FHIT: variants seen among roughly 807,000 people sequenced by gnomAD.
The protein encoded by FHIT is bis(5'-adenosyl)-triphosphatase.
A neutral mutation model predicts 17.9 loss-of-function variants in FHIT; 19 were observed. The ratio of observed to expected loss-of-function variants is 1.06; its 90% CI spans 0.74 to 1.56. FHIT has a LOEUF of 1.56. Among genes scored for constraint, FHIT ranks in the 40% most tolerant of loss-of-function variants. FHIT has a pLI of 0.00. For synonymous variants in FHIT, 81 were observed against 69.7 expected, an observed-to-expected ratio of 1.16 and a Z score of -0.81; for missense variants, 248 against 189.2, an observed-to-expected ratio of 1.31 and a Z score of -1.82.
intron 5 of FHIT, among the ~76,000 whole-genome samples, chr3:60,489,048 C>A (rs1486539826): frequency 6.6e-6 from 1 of 152,036 alleles, no homozygotes; most frequent in African/African-American, 2.4e-5. Context: ...TTGGGATTTC[C>A]AAGAGAGACC....
intron 5 of FHIT, among the ~76,000 whole-genome samples, chr3:60,329,799 T>C (rs1047716700): frequency 1.3e-5 from 2 of 152,178 alleles, no homozygotes; most frequent in African/African-American, 4.8e-5. Context: ...CTCCAGACAG[T>C]TTAAGAAACT....
At chr3:61,200,439 C>T (rs1472456337) in intron 2 of FHIT, among the ~76,000 whole-genome samples, 178 bp downstream of exon 2, 1 of 152,218 alleles carries the variant, frequency 6.6e-6, no homozygotes, top group African/African-American at 2.4e-5. Context: ...ATTTTATTTC[C>T]TCCTGCTCTC....
chr3:60,512,595 T>G (rs929629636), intron 5 of FHIT, among the ~76,000 whole-genome samples: 1 of 152,138 alleles, frequency 6.6e-6, no homozygotes, highest in African/African-American at 2.4e-5. Flanking sequence ...TCTTTTACAG[T>G]GGGGTAATCT....
At chr3:60,979,210 T>A (rs1380599665) in intron 3 of FHIT, among the ~76,000 whole-genome samples, 2 of 152,140 alleles carry the variant, frequency 1.3e-5, no homozygotes, top group East Asian at 3.9e-4. Flanking sequence ...GTCTCTCTCC[T>A]CCAATCTGAA....
intron 5 of FHIT, among the ~76,000 whole-genome samples, chr3:60,322,550 T>C (rs1038141805): frequency 2.0e-5 from 3 of 152,170 alleles, no homozygotes; most frequent in Admixed American, 6.5e-5. Context: ...ACCCAGTTGG[T>C]AAATAAGGGC....
chr3:60,048,032 T>C (rs1215075049), intron 5 of FHIT, among the ~76,000 whole-genome samples: 1 of 152,190 alleles, frequency 6.6e-6, no homozygotes, highest in East Asian at 1.9e-4. Flanking sequence ...CTGAGGCCTC[T>C]CTCTCCCCTT....
intron 5 of FHIT, among the ~76,000 whole-genome samples, chr3:60,063,968 TATATA>T (rs2106937819): frequency 6.6e-6 from 1 of 152,336 alleles, no homozygotes; most frequent in South Asian, 2.1e-4. Context: ...GTGAAGAATG[TATATA>T]ATATGCCATT....
At chr3:61,185,679 T>C (rs951547048) in intron 2 of FHIT, among the ~76,000 whole-genome samples, 1 of 152,160 alleles carries the variant, frequency 6.6e-6, no homozygotes, top group Non-Finnish European at 1.5e-5. Flanking sequence ...GTTCACAATA[T>C]AATGTTGAAT....
chr3:60,511,815 G>T (rs1576788601), intron 5 of FHIT, among the ~76,000 whole-genome samples: 1 of 152,132 alleles, frequency 6.6e-6, no homozygotes, highest in African/African-American at 2.4e-5. Context: ...ACAGCTTATA[G>T]ATAAATAGGG....
At chr3:60,927,405 C>T (rs1194632973) in intron 3 of FHIT, among the ~76,000 whole-genome samples, 1 of 152,188 alleles carries the variant, frequency 6.6e-6, no homozygotes, top group African/African-American at 2.4e-5. Flanking sequence ...CCCGCCGCCA[C>T]CCTGTCTAGG....
chr3:60,706,563 G>T (rs1014924171), intron 4 of FHIT, among the ~76,000 whole-genome samples: 2 of 152,070 alleles, frequency 1.3e-5, no homozygotes, highest in Admixed American at 1.3e-4. Flanking sequence ...TAATTACCTC[G>T]ACATTTTAAA....
intron 3 of FHIT, among the ~76,000 whole-genome samples, chr3:60,917,104 A>G (rs1227612711): frequency 6.6e-6 from 1 of 152,244 alleles, no homozygotes; most frequent in Non-Finnish European, 1.5e-5. Flanking sequence ...AAACAACTGT[A>G]TATGAAAGAA....
At chr3:60,933,050 G>A (rs1297723165) in intron 3 of FHIT, among the ~76,000 whole-genome samples, 2 of 152,108 alleles carry the variant, frequency 1.3e-5, no homozygotes, top group African/African-American at 2.4e-5. Flanking sequence ...AAGAGGACTT[G>A]ATTAATCAAT....
intron 8 of FHIT, among the ~76,000 whole-genome samples, chr3:59,814,929 A>C (rs965101844): frequency 3.3e-5 from 5 of 152,224 alleles, no homozygotes; most frequent in African/African-American, 1.2e-4. Flanking sequence ...GAAGGAGCAA[A>C]TCCCTTAACA....
At chr3:61,052,398 G>C (rs1055464312) in intron 2 of FHIT, among the ~76,000 whole-genome samples, 9 of 152,124 alleles carry the variant, frequency 5.9e-5, no homozygotes, top group African/African-American at 1.9e-4. Flanking sequence ...AGCATATCCA[G>C]GACTCACACC....
In FHIT at chr3:61,183,318, G is replaced by GTGAATGAATGAATGAA. The variant is rs147134285; in HGVS notation, c.-164+17283_-164+17298dup. Among the ~76,000 whole-genome samples the GTGAATGAATGAATGAA allele has an allele frequency of 4.6e-3, 700 of 151,974 alleles. 3 individuals are homozygous for GTGAATGAATGAATGAA. The highest frequency in any genetic ancestry group is 6.9e-3 in the Non-Finnish European group (472 of 67,978). ...GTGACTCTGAATGAATCAACCACAA[G>GTGAATGAATGAATGAA]TGAATGAATGAATGAAAACAGATCA... On this transcript the variant is annotated intron_variant, in intron 2 of 9. Coordinates refer to ENST00000492590, the MANE Select transcript of FHIT (RefSeq NM_002012.4).
chr3:61,091,661 C>A (rs551734444), intron 2 of FHIT, among the ~76,000 whole-genome samples: 1 of 151,892 alleles, frequency 6.6e-6, no homozygotes, highest in South Asian at 2.1e-4. Flanking sequence ...TTAGAACCAA[C>A]AGGAGGCTGG....
At position 60,134,571 on chromosome 3, in the gene FHIT, G is replaced by C. The variant is rs528325980; in HGVS notation, c.104-120419C>G. ...GATGACTATGTTCATGAACACACAT[G>C]CTCATATACATATATACATGCAGTC... On this transcript the variant is annotated intron_variant, in intron 5 of 9. Coordinates refer to ENST00000492590, the MANE Select transcript of FHIT (RefSeq NM_002012.4). Among the ~76,000 whole-genome samples, 52 of 152,222 alleles carry C rather than the reference G, an allele frequency of 3.4e-4. 1 individual carries two copies. In the South Asian group the frequency reaches 1.0e-2, roughly 29 times the overall value.
chr3:60,860,240 G>GTATACATGGTATACATCATAT (rs1357046393), intron 3 of FHIT, among the ~76,000 whole-genome samples: 25 of 76,782 alleles, frequency 3.3e-4, no homozygotes, highest in African/African-American at 1.1e-3. Flanking sequence ...ATGTATATAT[G>GTATACATGGTATACATCATAT]GTATACATGA....
Sources: allele counts gnomAD v4.1 joint callset (sites outside exome capture counted in the v4.1 genomes callset), GRCh38; gene constraint gnomAD v4.1.1; transcripts MANE v1.5; gene names NCBI Gene and HGNC (gene_info 2026-07-23, HGNC 2026-07-21).